DACH1: variants seen among roughly 807,000 people sequenced by gnomAD.
DACH1 encodes dachshund family transcription factor 1.
Under a neutral mutation model 54.2 loss-of-function variants are expected in DACH1, and 12 were observed. That is an observed-to-expected ratio of 0.22 (90% CI 0.14 to 0.36). The LOEUF is 0.36. Among genes scored for constraint, DACH1 ranks in the 10% least tolerant of loss-of-function variants. The pLI is 1.00. For missense variants in DACH1, 805 were observed against 929.8 expected (o/e 0.87, Z 1.75); for synonymous variants, 386 against 366.2 (o/e 1.05, Z -0.62).
At chr13:71,755,647 GAA>G (rs1885113157) in intron 1 of DACH1, among the ~76,000 whole-genome samples, 1 of 152,100 alleles carries the variant, frequency 6.6e-6, no homozygotes, top group Non-Finnish European at 1.5e-5. Context: ...ACATTAAGAG[GAA>G]ATGATGTAGC....
chr13:71,452,030 AT>A (rs1816647955), intron 10 of DACH1, among the ~76,000 whole-genome samples: 1 of 152,218 alleles, frequency 6.6e-6, no homozygotes, highest in Admixed American at 6.5e-5. Flanking sequence ...TGGAGGCAAA[AT>A]ATTAATAATT....
intron 6 of DACH1, among the ~76,000 whole-genome samples, chr13:71,551,240 A>T (rs1883797280): frequency 6.6e-6 from 1 of 152,120 alleles, no homozygotes; most frequent in Admixed American, 6.6e-5. Flanking sequence ...ACATTTACAT[A>T]ATTTTTAAAG....
intron 6 of DACH1, among the ~76,000 whole-genome samples, chr13:71,511,046 T>G (rs923185726): frequency 6.6e-6 from 1 of 152,070 alleles, no homozygotes; most frequent in Non-Finnish European, 1.5e-5. Flanking sequence ...TTTTTGCTTT[T>G]TTCTACAGCA....
chr13:71,821,851 A>G (rs920072372), intron 1 of DACH1, among the ~76,000 whole-genome samples: 2 of 152,112 alleles, frequency 1.3e-5, no homozygotes, highest in Non-Finnish European at 2.9e-5. Context: ...TCACAAGGTC[A>G]AAAGATCGAG....
intron 1 of DACH1, among the ~76,000 whole-genome samples, chr13:71,771,661 A>G (rs1370520023): frequency 9.2e-5 from 14 of 151,486 alleles, no homozygotes; most frequent in Non-Finnish European, 1.9e-4. Context: ...ATAACCTAAC[A>G]TAATTAAGAT....
At chr13:71,856,114 A>T (rs1873983884) in intron 1 of DACH1, among the ~76,000 whole-genome samples, 1 of 151,948 alleles carries the variant, frequency 6.6e-6, no homozygotes, top group Admixed American at 6.6e-5. Context: ...AAAGGTACTA[A>T]ATATGGTAGC....
intron 1 of DACH1, among the ~76,000 whole-genome samples, chr13:71,809,592 A>G (rs1451112071): frequency 1.3e-5 from 2 of 152,230 alleles, no homozygotes; most frequent in African/African-American, 4.8e-5. Flanking sequence ...ATTTTTTTAA[A>G]TGAATGTAAT....
chr13:71,579,936 T>C (rs879347228), intron 3 of DACH1, among the ~76,000 whole-genome samples: 2 of 152,122 alleles, frequency 1.3e-5, no homozygotes, highest in African/African-American at 4.8e-5. Context: ...ACTGGGTAAA[T>C]AGTTACATAG....
Position 71,438,613 on chromosome 13 carries a change from C to G in DACH1, c.*2042G>C, listed in dbSNP as rs1329589264. The G allele has an allele frequency of 6.6e-6, 1 of 152,300 alleles. No individual in the cohort carries two copies. Among genetic ancestry groups the G allele is most frequent in the Non-Finnish European group, 1.5e-5 (1 of 67,852 alleles). 9.4% of individuals were successfully genotyped at this position (152,300 alleles called of 1,614,324 possible). A position where few individuals can be genotyped will look rare whatever the true frequency, so the allele number is the denominator to read the frequency against. On this transcript the variant is annotated 3_prime_UTR_variant, in exon 11 of 11. Transcript: ENST00000613252. Reference sequence around the variant, plus strand: ...TAATCCACATAACAAACAGGTGACTCTATGCCAGGAGCAGAGCAATGGCTG... The same window carrying G: ...TAATCCACATAACAAACAGGTGACTGTATGCCAGGAGCAGAGCAATGGCTG...
At chr13:71,638,016 A>T (rs988026464) in intron 2 of DACH1, among the ~76,000 whole-genome samples, 4 of 152,204 alleles carry the variant, frequency 2.6e-5, no homozygotes, top group African/African-American at 9.7e-5. Flanking sequence ...TCCATATAAA[A>T]TGCATTTCCT....
At chr13:71,564,841 A>G (rs1884807800) in intron 4 of DACH1, among the ~76,000 whole-genome samples, 2 of 151,830 alleles carry the variant, frequency 1.3e-5, no homozygotes, top group Admixed American at 1.3e-4. Flanking sequence ...AATTCTCTTC[A>G]TTTTTTGTTT....
intron 10 of DACH1, among the ~76,000 whole-genome samples, chr13:71,449,913 C>A (rs925850726): frequency 3.6e-5 from 4 of 110,286 alleles, no homozygotes; most frequent in South Asian, 2.8e-4. Context: ...CACACCAGGG[C>A]CTGTTGTGGG....
chr13:71,472,232 G>A (rs766573080), intron 10 of DACH1, among the ~76,000 whole-genome samples: 6 of 152,042 alleles, frequency 3.9e-5, no homozygotes, highest in Non-Finnish European at 7.4e-5. Flanking sequence ...TCTACCCTGC[G>A]TACTATGAGC....
At chr13:71,500,332 C>G (rs997653803) in intron 6 of DACH1, among the ~76,000 whole-genome samples, 68 of 152,194 alleles carry the variant, frequency 4.5e-4, no homozygotes, top group African/African-American at 1.3e-3. Flanking sequence ...CACAGGGTGC[C>G]ATAGTTTGAT....
chr13:71,567,243 TAAG>T (rs1043760430), intron 4 of DACH1, among the ~76,000 whole-genome samples: 2 of 152,024 alleles, frequency 1.3e-5, no homozygotes, highest in African/African-American at 4.8e-5. Context: ...TAATGTGTCA[TAAG>T]AAGAAAGATG....
chr13:71,593,742 A>C (rs1873893976), intron 3 of DACH1, among the ~76,000 whole-genome samples: 1 of 152,070 alleles, frequency 6.6e-6, no homozygotes, highest in Non-Finnish European at 1.5e-5. Context: ...GGTCAATAAC[A>C]ATGGAACATT....
At chr13:71,548,109 G>T (rs1018964523) in intron 6 of DACH1, among the ~76,000 whole-genome samples, 6 of 152,074 alleles carry the variant, frequency 3.9e-5, no homozygotes, top group Admixed American at 6.6e-5. Flanking sequence ...GTTTTTAAGT[G>T]GCAACACTTT....
At chr13:71,742,942 G>T (rs1256381030) in intron 1 of DACH1, among the ~76,000 whole-genome samples, 3 of 152,046 alleles carry the variant, frequency 2.0e-5, no homozygotes, top group Non-Finnish European at 2.9e-5. Flanking sequence ...TTGTGGTAAA[G>T]TTTCTCCCCT....
At chr13:71,748,882 CTTTCTTTCTTTCTTTCTCTT>C (rs1468056653) in intron 1 of DACH1, among the ~76,000 whole-genome samples, 376 of 18,748 alleles carry the variant, frequency 0.02, 4 homozygotes, top group Middle Eastern at 0.05. Flanking sequence ...TTCTTTCTTT[CTTTCTTTCTTTCTTTCTCTT>C]TCTTTCTTTC....
Sources: allele counts gnomAD v4.1 joint callset (sites outside exome capture counted in the v4.1 genomes callset), GRCh38; gene constraint gnomAD v4.1.1; transcripts MANE v1.5; gene names NCBI Gene and HGNC (gene_info 2026-07-23, HGNC 2026-07-21).